BACH2: variants seen among roughly 807,000 people sequenced by gnomAD.
The protein encoded by BACH2 is BACH transcriptional regulator 2.
BACH2 carries 5 observed loss-of-function variants against 61.8 expected under a neutral mutation model. The ratio of observed to expected loss-of-function variants is 0.08; its 90% CI spans 0.04 to 0.17. The LOEUF is 0.17. Among genes scored for constraint, BACH2 ranks in the 10% least tolerant of loss-of-function variants. The pLI is 1.00. For synonymous variants in BACH2, 446 were observed against 440.1 expected, an observed-to-expected ratio of 1.01 and a Z score of -0.17; for missense variants, 824 against 1,091.1, an observed-to-expected ratio of 0.76 and a Z score of 3.45.
intron 2 of BACH2, among the ~76,000 whole-genome samples, chr6:90,262,147 G>T (rs949566859): frequency 6.6e-6 from 1 of 152,150 alleles, no homozygotes; most frequent in African/African-American, 2.4e-5. Flanking sequence ...GTTTTAGTCT[G>T]ATCTTCCTCC....
At chr6:90,285,115 A>G (rs1771977625) in intron 1 of BACH2, among the ~76,000 whole-genome samples, 1 of 152,274 alleles carries the variant, frequency 6.6e-6, no homozygotes, top group Non-Finnish European at 1.5e-5. Context: ...AGCCTCAGAA[A>G]AGCAACATTT....
At chr6:90,037,474 A>G (rs1779317777) in intron 5 of BACH2, among the ~76,000 whole-genome samples, 1 of 152,232 alleles carries the variant, frequency 6.6e-6, no homozygotes, top group Non-Finnish European at 1.5e-5. Context: ...TACAGTAGTC[A>G]GTGTGGATTA....
intron 3 of BACH2, among the ~76,000 whole-genome samples, chr6:90,248,356 T>C (rs1403654940): frequency 6.6e-6 from 1 of 152,212 alleles, no homozygotes; most frequent in African/African-American, 2.4e-5. Context: ...GAGTGTGTCC[T>C]GCTTGCTAGG....
intron 5 of BACH2, among the ~76,000 whole-genome samples, chr6:90,009,798 G>A (rs1777609890): frequency 6.6e-6 from 1 of 152,156 alleles, no homozygotes; most frequent in Non-Finnish European, 1.5e-5. Flanking sequence ...CCAAGTAGCT[G>A]GGATTACAGG....
At chr6:90,172,305 C>CAA (rs10713693) in intron 4 of BACH2, among the ~76,000 whole-genome samples, 130 of 83,548 alleles carry the variant, frequency 1.6e-3, no homozygotes, top group African/African-American at 2.5e-3. Context: ...GACTCCATCT[C>CAA]AAAAAAAAAA....
At chr6:90,147,329 C>T (rs1414283776) in intron 4 of BACH2, among the ~76,000 whole-genome samples, 1 of 152,126 alleles carries the variant, frequency 6.6e-6, no homozygotes, top group Non-Finnish European at 1.5e-5. Flanking sequence ...CTGCTCTCTG[C>T]TCTTCAGCTG....
rs10537387 is a variant in BACH2, at chr6:90,178,267, CCTCA to C, written c.-162+28298_-162+28301del. Among the ~76,000 whole-genome samples the C allele has an allele frequency of 6.8e-3, 1,040 of 152,310 alleles. 14 individuals carry two copies. Among genetic ancestry groups the C allele is most frequent in the African/African-American group, 0.023 (977 of 41,576 alleles). ...CAGCTTCATTCCACTTCCCTCACCA[CCTCA>C]CTATTACCTAAGATGACATTCTGTA... On this transcript the variant is annotated intron_variant, in intron 4 of 8. Transcript: ENST00000257749.
intron 6 of BACH2, among the ~76,000 whole-genome samples, chr6:89,970,798 C>T (rs529717766): frequency 9.9e-5 from 15 of 152,226 alleles, no homozygotes; most frequent in Admixed American, 4.6e-4. Flanking sequence ...TAGGAATATG[C>T]TCTGGCTGAA....
At chr6:90,285,056 T>C (rs924565819) in intron 1 of BACH2, among the ~76,000 whole-genome samples, 1 of 152,218 alleles carries the variant, frequency 6.6e-6, no homozygotes, top group African/African-American at 2.4e-5. Context: ...TTCAAGACAG[T>C]TTATGATGAT....
chr6:90,115,924 A>G (rs1783379279), intron 4 of BACH2, among the ~76,000 whole-genome samples: 3 of 152,206 alleles, frequency 2.0e-5, no homozygotes, highest in Admixed American at 1.3e-4. Context: ...AAAAAGGTCA[A>G]TATCACTGAT....
intron 5 of BACH2, among the ~76,000 whole-genome samples, chr6:90,083,759 T>C (rs981956689): frequency 1.3e-5 from 2 of 152,202 alleles, no homozygotes; most frequent in Admixed American, 6.5e-5. Flanking sequence ...GGTATATTGT[T>C]CTGTCCTCAG....
intron 3 of BACH2, among the ~76,000 whole-genome samples, chr6:90,245,114 G>C (rs761067309): frequency 6.6e-6 from 1 of 151,778 alleles, no homozygotes; most frequent in Admixed American, 6.6e-5. Flanking sequence ...GGAGAATATC[G>C]CTTGAACCTG....
intron 3 of BACH2, among the ~76,000 whole-genome samples, chr6:90,239,240 T>C (rs1420711337): frequency 6.6e-6 from 1 of 152,210 alleles, no homozygotes; most frequent in Non-Finnish European, 1.5e-5. Flanking sequence ...ATCTTTGAAA[T>C]TAGGGTTGGC....
chr6:89,949,670 A>G (rs1217624429), intron 7 of BACH2, among the ~76,000 whole-genome samples: 1 of 152,166 alleles, frequency 6.6e-6, no homozygotes, highest in Non-Finnish European at 1.5e-5. Flanking sequence ...ATGATCCATT[A>G]TACATTATGT....
rs373115643 is a variant in BACH2 at position 89,990,035 on chromosome 6, C to G, written c.243+18567G>C. ...ACTGGCAAAAAATGTCTGGGAACCACTGTTACACTCCAGCTCAACCTTGCG... is the reference window on the plus strand; with the variant it reads ...ACTGGCAAAAAATGTCTGGGAACCAGTGTTACACTCCAGCTCAACCTTGCG... On this transcript the variant is annotated intron_variant, in intron 6 of 8. Transcript: ENST00000257749. Among the ~76,000 whole-genome samples, 16 of 152,328 alleles carry G rather than the reference C, an allele frequency of 1.1e-4. No homozygotes were observed. In the East Asian group the frequency reaches 2.9e-3, roughly 28 times the overall value.
intron 6 of BACH2, among the ~76,000 whole-genome samples, chr6:89,993,511 C>T (rs1294261471): frequency 2.0e-5 from 3 of 152,136 alleles, no homozygotes; most frequent in Non-Finnish European, 4.4e-5. Context: ...CATGGACCAC[C>T]GAGTAGTTTG....
intron 5 of BACH2, among the ~76,000 whole-genome samples, chr6:90,013,486 T>C (rs1246450272): frequency 6.8e-6 from 1 of 146,534 alleles, no homozygotes; most frequent in African/African-American, 2.5e-5. Flanking sequence ...CCCCTCCCCT[T>C]GTTTTCCCTT....
intron 4 of BACH2, among the ~76,000 whole-genome samples, chr6:90,137,823 A>AG (rs1346175437): frequency 1.3e-5 from 2 of 152,196 alleles, no homozygotes; most frequent in African/African-American, 4.8e-5. Context: ...CTCGATGCCC[A>AG]GACTTCTAAT....
intron 6 of BACH2, among the ~76,000 whole-genome samples, chr6:89,996,471 A>T (rs1215806642): frequency 6.6e-6 from 1 of 152,194 alleles, no homozygotes; most frequent in African/African-American, 2.4e-5. Context: ...TCTTTTGTCT[A>T]AATTTTATTC....
Sources: allele counts gnomAD v4.1 joint callset (sites outside exome capture counted in the v4.1 genomes callset), GRCh38; gene constraint gnomAD v4.1.1; transcripts MANE v1.5; gene names NCBI Gene and HGNC (gene_info 2026-07-23, HGNC 2026-07-21).